Variants in ABCC2 observed in about 807,000 individuals in gnomAD.
ABCC2 encodes the protein ATP-binding cassette sub-family C member 2.
ABCC2 carries 157 observed loss-of-function variants against 173.4 expected under a neutral mutation model. That is an observed-to-expected ratio of 0.91 (90% CI 0.80 to 1.03). ABCC2 has a LOEUF of 1.03. Among genes scored for constraint, ABCC2 ranks in the 50% least tolerant of loss-of-function variants. ABCC2 has a pLI of 0.00. For missense variants in ABCC2, 1,822 were observed against 1,852.3 expected (o/e 0.98, Z 0.30); for synonymous variants, 657 against 693.5 (o/e 0.95, Z 0.83).
Position 99,841,982 on chromosome 10 carries a change from C to T in ABCC2, c.3630C>T (p.Arg1210=), listed in dbSNP as rs758236408. Residue 1210 remains arginine, a synonymous_variant, in exon 26 of 32, where the codon CGC becomes CGT. Transcript: ENST00000647814. ...TGCCCCACAGGTGGCTTGCAATTCG[C>T]CTGGAGCTGGTTGGGAACCTGACTG... The part of the protein sequence containing the change: ...WITSNRWLAI[R]LELVGNLTVF... 1 of 1,614,156 alleles carries T rather than the reference C, an allele frequency of 6.2e-7. No homozygotes were observed. Among genetic ancestry groups the T allele is most frequent in the Admixed American group, 1.7e-5 (1 of 60,022 alleles).
Position 99,813,033 on chromosome 10 carries a change from T to G in ABCC2, c.1983T>G (p.Ile661Met). The change falls in exon 16 of 32, where the codon ATT (isoleucine) becomes ATG (methionine). Residue 661 changes from isoleucine to methionine, a missense_variant. Ile to Met is a conservative substitution (Grantham distance 10). Coordinates refer to ENST00000647814, the MANE Select transcript of ABCC2 (RefSeq NM_000392.5). ...TGTCTTTCAGTGTGAACCTGGACAT[T>G]ATGGCAGGCCAACTTGTGGCTGTGA... ...EATVRDVNLD[I>M]MAGQLVAVIG... 1 of 1,613,996 alleles carries G rather than the reference T, an allele frequency of 6.2e-7. No individual in the cohort carries two copies. The highest frequency in any genetic ancestry group is 1.1e-5 in the South Asian group (1 of 91,080).
intron 16 of ABCC2, among the ~76,000 whole-genome samples, chr10:99,814,646 T>TATACACACATATGTGTATATACAC (rs2038351888): frequency 1.7e-5 from 2 of 120,694 alleles, no homozygotes; most frequent in Admixed American, 7.7e-5. Flanking sequence ...TATATACACA[T>TATACACACATATGTGTATATACAC]ATACACACAC....
chr10:99,822,689 T>C (rs2038558359), intron 19 of ABCC2, among the ~76,000 whole-genome samples: 1 of 152,008 alleles, frequency 6.6e-6, no homozygotes. Flanking sequence ...CTGATTTCTA[T>C]AAATGTTTAA....
intron 23 of ABCC2, 108 bp downstream of exon 23, chr10:99,832,239 T>C: frequency 7.1e-7 from 1 of 1,411,568 alleles, no homozygotes; most frequent in East Asian, 2.4e-5. Context: ...TCCAGTTCTT[T>C]TGTCACTCAA....
rs1467344531 is a variant in ABCC2, at chr10:99,814,162, C to T, written c.2094+1018C>T. On this transcript the variant is annotated intron_variant, in intron 16 of 31. Coordinates refer to ENST00000647814, the MANE Select transcript of ABCC2 (RefSeq NM_000392.5). ...ATATACACACATGTATGTATACACA[C>T]GTATATATACACACATGTATGTATA... Among the ~76,000 whole-genome samples, 42 of 26,654 alleles carry T rather than the reference C, an allele frequency of 1.6e-3. 7 individuals are homozygous for T. The highest frequency in any genetic ancestry group is 6.0e-3 in the African/African-American group (37 of 6,128). The allele number at this position is 26,654 out of a possible 152,430, so 17.5% of individuals were successfully genotyped here.
intron 6 of ABCC2, among the ~76,000 whole-genome samples, chr10:99,796,402 G>T (rs2037911751): frequency 6.6e-6 from 1 of 152,130 alleles, no homozygotes; most frequent in African/African-American, 2.4e-5. Flanking sequence ...TACTTGGGAG[G>T]CTGAGGCAGG....
In ABCC2 at chr10:99,831,648, T is replaced by C. The variant is rs775342469; in HGVS notation, c.2921T>C (p.Ile974Thr). Residue 974 changes from isoleucine (I) to threonine (T), a missense_variant, in exon 22 of 32, where the codon ATA becomes ACA. Transcript: ENST00000647814. ...ATCTACCTGGAGTACCTACAAGCAA[T>C]AGGATTGTTTTCGATATTCTTCATC... is the stretch of plus-strand genomic sequence containing the variant. ...FSIYLEYLQA[I>T]GLFSIFFIIL... 4.3e-6 allele frequency: 7 copies of C among 1,614,208 alleles called. No homozygotes were observed. The South Asian group carries it at 6.6e-5, about 15-fold the overall frequency.
chr10:99,783,958 CAT>C (rs1323669471), intron 1 of ABCC2, among the ~76,000 whole-genome samples: 1 of 151,860 alleles, frequency 6.6e-6, no homozygotes, highest in African/African-American at 2.4e-5. Flanking sequence ...AATCCACACT[CAT>C]GTGACTCAGA....
chr10:99,824,149 C>T (rs369924727), intron 19 of ABCC2, among the ~76,000 whole-genome samples: 2 of 152,086 alleles, frequency 1.3e-5, no homozygotes, highest in Admixed American at 6.6e-5. Context: ...TTACTATTTA[C>T]GTCTGAGTCT....
In ABCC2 at chr10:99,793,848, T is replaced by A. The variant is rs772130569; in HGVS notation, c.469-44T>A. 2.5e-6 allele frequency: 4 copies of A among 1,587,050 alleles called. No individual in the cohort carries two copies. The South Asian group carries it at 4.4e-5, about 18-fold the overall frequency. On this transcript the variant is annotated intron_variant, in intron 4 of 31. Coordinates refer to ENST00000647814, the MANE Select transcript of ABCC2 (RefSeq NM_000392.5). ...TATATACGGGCCATGTAGACTTCCT[T>A]TGGACAAAAGGCTCATTTTTCCTCT...
intron 12 of ABCC2, 55 bp downstream of exon 12, chr10:99,807,576 C>T (rs2038135053): frequency 1.9e-6 from 3 of 1,611,830 alleles, no homozygotes; most frequent in African/African-American, 1.3e-5. Flanking sequence ...GCATCAGCTT[C>T]CTGAAGAGGA....
At chr10:99,785,526 C>T (rs1381055787) in intron 2 of ABCC2, among the ~76,000 whole-genome samples, 1 of 151,960 alleles carries the variant, frequency 6.6e-6, no homozygotes, top group Admixed American at 6.6e-5. Flanking sequence ...ATCATTATTA[C>T]TACCATTTTA....
intron 2 of ABCC2, among the ~76,000 whole-genome samples, chr10:99,786,591 A>T (rs2037714049): frequency 6.6e-6 from 1 of 152,252 alleles, no homozygotes; most frequent in South Asian, 2.1e-4. Flanking sequence ...TTCAGGCCGG[A>T]TGCTGTGGCT....
intron 2 of ABCC2, among the ~76,000 whole-genome samples, chr10:99,786,031 G>A (rs1485836406): frequency 6.6e-6 from 1 of 152,104 alleles, no homozygotes; most frequent in African/African-American, 2.4e-5. Flanking sequence ...TCAGAGCTTG[G>A]GACAGTGTCA....
intron 2 of ABCC2, among the ~76,000 whole-genome samples, chr10:99,787,237 T>C (rs2037728595): frequency 6.6e-6 from 1 of 152,144 alleles, no homozygotes; most frequent in Admixed American, 6.5e-5. Context: ...TTTTAGAACA[T>C]TTCATTATCT....
At chr10:99,792,600 T>C (rs771354844) in intron 3 of ABCC2, among the ~76,000 whole-genome samples, 2 of 152,240 alleles carry the variant, frequency 1.3e-5, no homozygotes, top group Non-Finnish European at 2.9e-5. Context: ...CTAAGATGTA[T>C]ATCTTATGTC....
At chr10:99,798,304 T>A (rs2037956070) in intron 7 of ABCC2, among the ~76,000 whole-genome samples, 1 of 151,930 alleles carries the variant, frequency 6.6e-6, no homozygotes, top group South Asian at 2.1e-4. Context: ...TGAGAGAGTA[T>A]CACTGGTAGG....
At chr10:99,814,718 TAC>T (rs2038362962) in intron 16 of ABCC2, among the ~76,000 whole-genome samples, 1 of 144,374 alleles carries the variant, frequency 6.9e-6, no homozygotes, top group South Asian at 2.1e-4. Flanking sequence ...TACATGTATA[TAC>T]ACATATGTGT....
chr10:99,797,664 T>C (rs2037941940), intron 7 of ABCC2: 1 of 344,740 alleles, frequency 2.9e-6, no homozygotes, highest in African/African-American at 2.1e-5. Flanking sequence ...AAAATATTTA[T>C]TGAGCACAAC....
Sources: allele counts gnomAD v4.1 joint callset (sites outside exome capture counted in the v4.1 genomes callset), GRCh38; gene constraint gnomAD v4.1.1; transcripts MANE v1.5; gene names NCBI Gene and HGNC (gene_info 2026-07-23, HGNC 2026-07-21).